The following CD247 variants were observed in gnomAD, a reference collection of about 807,000 sequenced individuals.
CD247 encodes the protein T-cell surface glycoprotein CD3 zeta chain.
CD247 carries 13 observed loss-of-function variants against 30.0 expected under a neutral mutation model. The ratio of observed to expected loss-of-function variants is 0.43; its 90% CI spans 0.28 to 0.69. CD247 has a LOEUF of 0.69. Ranked by LOEUF, CD247 falls within the 30% of genes least tolerant of loss-of-function variation. The pLI, the probability that CD247 is intolerant of heterozygous loss-of-function variation, is 0.16. For missense variants in CD247, 193 were observed against 212.6 expected, an observed-to-expected ratio of 0.91 and a Z score of 0.57; for synonymous variants, 72 against 80.0, an observed-to-expected ratio of 0.90 and a Z score of 0.53.
intron 1 of CD247, among the ~76,000 whole-genome samples, chr1:167,448,135 A>G (rs1471071876): frequency 6.6e-6 from 1 of 152,226 alleles, no homozygotes; most frequent in Non-Finnish European, 1.5e-5. Flanking sequence ...ACACAGAGTA[A>G]TAGTTATAAC....
chr1:167,458,689 C>CTTTCTTTTTTTTTTTTTTTTT (rs1553231431), intron 1 of CD247: 3 of 95,428 alleles, frequency 3.1e-5, no homozygotes, highest in Non-Finnish European at 3.9e-5. Context: ...TTCTTTCTTT[C>CTTTCTTTTTTTTTTTTTTTTT]TTTTTTTTTT....
At position 167,449,703 on chromosome 1, in the gene CD247, G is replaced by A. The variant is rs149956028; in HGVS notation, c.59-8936C>T. Reference sequence around the variant, plus strand: ...GTTGGGAGGCCGAGGTGGGCAGATCGCCTGAGGTCAGGAGTTTGAGACCAG... The same window carrying A: ...GTTGGGAGGCCGAGGTGGGCAGATCACCTGAGGTCAGGAGTTTGAGACCAG... On this transcript the variant is annotated intron_variant, in intron 1 of 7. Coordinates refer to ENST00000362089, the MANE Select transcript of CD247 (RefSeq NM_198053.3). Among the ~76,000 whole-genome samples the A allele has an allele frequency of 1.1e-3, 169 of 152,088 alleles. 1 individual carries two copies. The highest frequency in any genetic ancestry group is 3.3e-3 in the African/African-American group (138 of 41,514).
intron 1 of CD247, among the ~76,000 whole-genome samples, chr1:167,496,905 G>T (rs1298464935): frequency 6.6e-6 from 1 of 152,172 alleles, no homozygotes; most frequent in African/African-American, 2.4e-5. Flanking sequence ...TTACGGGGAG[G>T]CGGGTGATGA....
chr1:167,473,786 C>T (rs1653633618), intron 1 of CD247, among the ~76,000 whole-genome samples: 1 of 152,192 alleles, frequency 6.6e-6, no homozygotes, highest in African/African-American at 2.4e-5. Flanking sequence ...AAGGGGAACC[C>T]CTTCTTGCAC....
At chr1:167,474,832 A>C (rs1653679715) in intron 1 of CD247, among the ~76,000 whole-genome samples, 1 of 146,846 alleles carries the variant, frequency 6.8e-6, no homozygotes, top group South Asian at 2.2e-4. Context: ...CACTCACTGC[A>C]ACCTCTGCCT....
chr1:167,491,024 G>T (rs1442895683), intron 1 of CD247, among the ~76,000 whole-genome samples: 1 of 152,032 alleles, frequency 6.6e-6, no homozygotes, highest in Non-Finnish European at 1.5e-5. Flanking sequence ...AAATTAATTT[G>T]TTAATTTGTC....
chr1:167,446,593 G>A (rs549287882), intron 1 of CD247, among the ~76,000 whole-genome samples: 137 of 152,256 alleles, frequency 9.0e-4, no homozygotes, highest in African/African-American at 3.3e-3. Context: ...GCAGGGGATG[G>A]CCCTCTGACC....
intron 1 of CD247, among the ~76,000 whole-genome samples, chr1:167,478,373 T>C (rs889148319): frequency 2.0e-5 from 3 of 152,248 alleles, no homozygotes; most frequent in Non-Finnish European, 4.4e-5. Flanking sequence ...ACATGAAGAA[T>C]AGCAGAGATA....
chr1:167,463,552 G>A (rs920449845), intron 1 of CD247, among the ~76,000 whole-genome samples: 14 of 152,282 alleles, frequency 9.2e-5, no homozygotes, highest in African/African-American at 3.4e-4. Context: ...TTAGAATCTA[G>A]GTTTGTAACT....
At chr1:167,471,033 G>A (rs931953086) in intron 1 of CD247, among the ~76,000 whole-genome samples, 12 of 151,724 alleles carry the variant, frequency 7.9e-5, no homozygotes, top group East Asian at 5.8e-4. Flanking sequence ...CACCACGCCC[G>A]GCTAATTTTT....
At chr1:167,455,989 G>A (rs1182228469) in intron 1 of CD247, among the ~76,000 whole-genome samples, 1 of 152,104 alleles carries the variant, frequency 6.6e-6, no homozygotes, top group African/African-American at 2.4e-5. Flanking sequence ...GCAACCCTGA[G>A]AGGCTGGGCC....
intron 1 of CD247, among the ~76,000 whole-genome samples, chr1:167,462,556 A>T (rs1348867456): frequency 6.6e-6 from 1 of 152,222 alleles, no homozygotes; most frequent in Non-Finnish European, 1.5e-5. Flanking sequence ...CAAGGGAGAG[A>T]GCTGCACAGG....
chr1:167,483,015 T>TCTTTCTTTCTTTCTTTC (rs201265842), intron 1 of CD247, among the ~76,000 whole-genome samples: 138 of 139,536 alleles, frequency 9.9e-4, no homozygotes, highest in South Asian at 2.7e-3. Flanking sequence ...TTTCTTTCTT[T>TCTTTCTTTCTTTCTTTC]TTTTTTTTTT....
chr1:167,466,714 C>T (rs562291825), intron 1 of CD247, among the ~76,000 whole-genome samples: 1 of 152,208 alleles, frequency 6.6e-6, no homozygotes, highest in Non-Finnish European at 1.5e-5. Flanking sequence ...AAGAGCGAGG[C>T]CTGTGGAAAG....
At chr1:167,509,756 C>G (rs889458009) in intron 1 of CD247, among the ~76,000 whole-genome samples, 2 of 152,174 alleles carry the variant, frequency 1.3e-5, no homozygotes, top group African/African-American at 2.4e-5. Flanking sequence ...ACAATGTCAA[C>G]AGTGGGTCTG....
intron 1 of CD247, among the ~76,000 whole-genome samples, chr1:167,467,957 G>A (rs1653334712): frequency 6.6e-6 from 1 of 152,048 alleles, no homozygotes; most frequent in Non-Finnish European, 1.5e-5. Context: ...AAATCATTTA[G>A]GCGCAAAAGC....
intron 1 of CD247, among the ~76,000 whole-genome samples, chr1:167,448,038 C>T (rs1198789068): frequency 6.6e-6 from 1 of 152,122 alleles, no homozygotes; most frequent in Non-Finnish European, 1.5e-5. Flanking sequence ...CCACAGCATC[C>T]AGGCACCCAG....
intron 1 of CD247, among the ~76,000 whole-genome samples, chr1:167,447,732 G>A (rs1652154533): frequency 1.3e-5 from 2 of 152,164 alleles, no homozygotes; most frequent in Non-Finnish European, 2.9e-5. Flanking sequence ...TAAGCGCTCA[G>A]TTTGTAGGCA....
intron 1 of CD247, among the ~76,000 whole-genome samples, chr1:167,442,106 G>C (rs545078994): frequency 6.6e-6 from 1 of 152,080 alleles, no homozygotes; most frequent in Non-Finnish European, 1.5e-5. Flanking sequence ...GTGAGGCTCC[G>C]TCTCAAAAAA....
Sources: allele counts gnomAD v4.1 joint callset (sites outside exome capture counted in the v4.1 genomes callset), GRCh38; gene constraint gnomAD v4.1.1; transcripts MANE v1.5; gene names NCBI Gene and HGNC (gene_info 2026-07-23, HGNC 2026-07-21).